RIMS2: variants seen among roughly 807,000 people sequenced by gnomAD.
RIMS2 encodes regulating synaptic membrane exocytosis protein 2.
In RIMS2, 59 loss-of-function variants were observed where a neutral mutation model predicts 174.4. That is an observed-to-expected ratio of 0.34 (90% CI 0.27 to 0.42). The LOEUF is 0.42. Ranked by LOEUF, RIMS2 falls within the 10% of genes least tolerant of loss-of-function variation. The probability of loss-of-function intolerance (pLI) is 1.00; values close to 1 mark genes in which losing one functional copy is unlikely to be tolerated. For synonymous variants in RIMS2, 606 were observed against 572.5 expected (o/e 1.06, Z -0.84); for missense variants, 1,620 against 1,666.3 (o/e 0.97, Z 0.48).
chr8:103,652,384 T>C lies in RIMS2; in HGVS notation c.177-44702T>C, dbSNP rs1564165317. 1.5e-5 allele frequency: 7 copies of C among 479,650 alleles called. No individual in the cohort carries two copies. In the Admixed American group the frequency reaches 1.7e-4, roughly 12 times the overall value. The allele number at this position is 479,650 out of a possible 1,614,324, so 29.7% of individuals were successfully genotyped here. ...ACTCTCTGGCTTGTAAGAGAGCTGC[T>C]TGCAGCTTCTTACATCACCCACATA... On this transcript the variant is annotated intron_variant, in intron 1 of 23. Coordinates refer to ENST00000504942, the Ensembl canonical transcript of RIMS2.
intron 1 of RIMS2, among the ~76,000 whole-genome samples, chr8:103,502,339 A>G (rs1241750755): frequency 6.6e-6 from 1 of 152,200 alleles, no homozygotes; most frequent in Non-Finnish European, 1.5e-5. Flanking sequence ...TTAATGAAAA[A>G]TACCACTTTA....
rs1269612286 is a variant in RIMS2, at chr8:104,230,123, T to C, written c.3335-14793T>C. On this transcript the variant is annotated intron_variant, in intron 19 of 23. Transcript: ENST00000504942. Reference sequence around the variant, plus strand: ...GGAGAAACCCTGTCTCTACTAAAAATACAAAATCAGCCAGGCTTGGTGGTG... The same window carrying C: ...GGAGAAACCCTGTCTCTACTAAAAACACAAAATCAGCCAGGCTTGGTGGTG... Among the ~76,000 whole-genome samples, 3 of 151,324 alleles carry C rather than the reference T, an allele frequency of 2.0e-5. No individual in the cohort carries two copies. The East Asian group carries it at 5.9e-4, about 30-fold the overall frequency.
At chr8:103,618,523 A>C (rs2095557903) in intron 1 of RIMS2, among the ~76,000 whole-genome samples, 2 of 152,132 alleles carry the variant, frequency 1.3e-5, no homozygotes, top group African/African-American at 4.8e-5. Flanking sequence ...GACAGTTGCA[A>C]AAAAGGGAGA....
chr8:103,979,957 C>T (rs1210837879), intron 16 of RIMS2, among the ~76,000 whole-genome samples: 6 of 152,144 alleles, frequency 3.9e-5, no homozygotes, highest in South Asian at 2.1e-4. Context: ...TAGCAAGCTA[C>T]GCCACAGTGG....
At chr8:103,547,433 G>C (rs1845645363) in intron 1 of RIMS2, among the ~76,000 whole-genome samples, 1 of 152,108 alleles carries the variant, frequency 6.6e-6, no homozygotes, top group Non-Finnish European at 1.5e-5. Context: ...TGAAATTAAG[G>C]CAGAAATAAG....
At chr8:104,137,735 A>G (rs907139083) in intron 19 of RIMS2, among the ~76,000 whole-genome samples, 2 of 152,174 alleles carry the variant, frequency 1.3e-5, no homozygotes, top group African/African-American at 4.8e-5. Context: ...ACTGCTTCAC[A>G]TATATGTTAG....
intron 2 of RIMS2, among the ~76,000 whole-genome samples, chr8:103,757,053 T>A (rs2140002421): frequency 6.6e-6 from 1 of 150,924 alleles, no homozygotes; most frequent in Non-Finnish European, 1.5e-5. Context: ...GAGAGAGATA[T>A]TCAGGAGAGA....
intron 19 of RIMS2, among the ~76,000 whole-genome samples, chr8:104,124,497 C>A (rs1192375998): frequency 6.6e-6 from 1 of 152,100 alleles, no homozygotes; most frequent in African/African-American, 2.4e-5. Flanking sequence ...GTTTTTGTCA[C>A]TTGCAATAGA....
At chr8:103,895,492 T>C (rs1333571403) in intron 4 of RIMS2, among the ~76,000 whole-genome samples, 1 of 151,496 alleles carries the variant, frequency 6.6e-6, no homozygotes, top group Admixed American at 6.6e-5. Context: ...AAGGTACTAA[T>C]TCCATCATGA....
At chr8:103,924,680 C>T (rs1473987360) in intron 10 of RIMS2, among the ~76,000 whole-genome samples, 1 of 151,492 alleles carries the variant, frequency 6.6e-6, no homozygotes, top group Admixed American at 6.6e-5. Flanking sequence ...GTGAGCTGAC[C>T]TTCCTAATAT....
chr8:103,849,276 T>TC (rs2154492088), intron 3 of RIMS2, among the ~76,000 whole-genome samples: 1 of 152,176 alleles, frequency 6.6e-6, no homozygotes, highest in Admixed American at 6.6e-5. Flanking sequence ...CTAGTGTCTG[T>TC]CTCTAGGTTC....
At chr8:103,556,803 A>G (rs897737562) in intron 1 of RIMS2, among the ~76,000 whole-genome samples, 1 of 152,164 alleles carries the variant, frequency 6.6e-6, no homozygotes, top group Non-Finnish European at 1.5e-5. Context: ...GATAAGGGTT[A>G]GGTTCCCAGG....
chr8:103,735,526 T>C (rs2097674569), intron 2 of RIMS2, among the ~76,000 whole-genome samples: 2 of 152,214 alleles, frequency 1.3e-5, no homozygotes, highest in Non-Finnish European at 2.9e-5. Flanking sequence ...TTATGATTGC[T>C]GATGTTCGTT....
At chr8:103,668,081 C>G (rs2096696563) in intron 1 of RIMS2, among the ~76,000 whole-genome samples, 1 of 152,078 alleles carries the variant, frequency 6.6e-6, no homozygotes, top group African/African-American at 2.4e-5. Context: ...AGAATTTAGT[C>G]ATATTAGAGT....
intron 4 of RIMS2, among the ~76,000 whole-genome samples, chr8:103,896,200 G>T (rs1394714663): frequency 6.6e-6 from 1 of 151,434 alleles, no homozygotes; most frequent in Non-Finnish European, 1.5e-5. Flanking sequence ...AAAATTGCTG[G>T]TTTTCTATTT....
intron 4 of RIMS2, among the ~76,000 whole-genome samples, chr8:103,893,465 T>G (rs1020795879): frequency 2.6e-5 from 4 of 152,108 alleles, no homozygotes; most frequent in Non-Finnish European, 4.4e-5. Context: ...TTACTGCATG[T>G]GGGAGATTAT....
Position 103,623,570 on chromosome 8 carries a change from C to T in RIMS2, c.177-73516C>T, listed in dbSNP as rs555808573. 5.9e-3 allele frequency among the ~76,000 whole-genome samples: 859 copies of T among 145,764 alleles called. 6 individuals are homozygous for T. The highest frequency in any genetic ancestry group is 0.02 in the African/African-American group (802 of 39,198). On this transcript the variant is annotated intron_variant, in intron 1 of 23. Transcript: ENST00000504942. ...CGCGATCTCGGCTCACTGCAAGCTC[C>T]GCCTCCCGGGTTCACGCCATTCTCC...
chr8:103,722,985 A>C (rs1318384278), intron 2 of RIMS2, among the ~76,000 whole-genome samples: 2 of 152,114 alleles, frequency 1.3e-5, no homozygotes, highest in African/African-American at 4.8e-5. Context: ...GGTGGGGCAC[A>C]CCTGTAATCC....
chr8:104,077,901 G>C (rs146318908), intron 19 of RIMS2, among the ~76,000 whole-genome samples: 5 of 151,728 alleles, frequency 3.3e-5, no homozygotes, highest in Non-Finnish European at 1.5e-5. Flanking sequence ...CCAGCACTTC[G>C]GGAGGCCAAG....
Sources: allele counts gnomAD v4.1 joint callset (sites outside exome capture counted in the v4.1 genomes callset), GRCh38; gene constraint gnomAD v4.1.1; transcripts MANE v1.5; gene names NCBI Gene and HGNC (gene_info 2026-07-23, HGNC 2026-07-21).